PPARGC1A: variants seen among roughly 807,000 people sequenced by gnomAD.
PPARGC1A encodes peroxisome proliferator-activated receptor gamma coactivator 1-alpha.
In PPARGC1A, 25 loss-of-function variants were observed where a neutral mutation model predicts 88.7. That is an observed-to-expected ratio of 0.28 (90% CI 0.21 to 0.39). The LOEUF is 0.39. PPARGC1A is among the 10% of genes least tolerant of loss of function. PPARGC1A has a pLI of 1.00. For missense variants in PPARGC1A, 880 were observed against 968.7 expected, an observed-to-expected ratio of 0.91 and a Z score of 1.22; for synonymous variants, 363 against 355.6, an observed-to-expected ratio of 1.02 and a Z score of -0.24.
At chr4:24,102,107 A>G in the PPARGC1A span, among the ~76,000 whole-genome samples, 440 of 152,280 alleles carry the variant, frequency 2.9e-3, 5 homozygotes, top group East Asian at 0.017. Context: ...AGCTCCAATA[A>G]TCACCATTCT....
At chr4:23,988,920 T>TATATACTATATTATATATAATATATAAA in the PPARGC1A span, among the ~76,000 whole-genome samples, 1 of 147,498 alleles carries the variant, frequency 6.8e-6, no homozygotes, top group Non-Finnish European at 1.5e-5. Flanking sequence ...TATTATATAA[T>TATATACTATATTATATATAATATATAAA]ATATACTATA....
chr4:24,127,861 G>A, the PPARGC1A span, among the ~76,000 whole-genome samples: 15 of 152,098 alleles, frequency 9.9e-5, no homozygotes, highest in African/African-American at 3.4e-4. Context: ...TAAGGAAAAT[G>A]CATCAAAATC....
At chr4:24,230,950 T>TAAA in the PPARGC1A span, among the ~76,000 whole-genome samples, 61,963 of 137,398 alleles carry the variant, frequency 0.45, 15,180 homozygotes, top group Non-Finnish European at 0.54. Flanking sequence ...CAGAATTTAT[T>TAAA]AAAAAAAATA....
chr4:23,801,289 T>G (rs1486973693), intron 12 of PPARGC1A, among the ~76,000 whole-genome samples: 1 of 151,690 alleles, frequency 6.6e-6, no homozygotes, highest in Non-Finnish European at 1.5e-5. Flanking sequence ...GCCACACACA[T>G]CTGCATAACA....
chr4:24,454,563 T>A, the PPARGC1A span, among the ~76,000 whole-genome samples: 3 of 124,708 alleles, frequency 2.4e-5, no homozygotes, highest in Non-Finnish European at 5.1e-5. Context: ...TGACAAGACC[T>A]TGTTTCTACA....
chr4:24,059,777 A>C, the PPARGC1A span, among the ~76,000 whole-genome samples: 1 of 152,160 alleles, frequency 6.6e-6, no homozygotes, highest in Non-Finnish European at 1.5e-5. Flanking sequence ...TCCCCTATGG[A>C]GTCCCAGCTT....
At chr4:23,805,029 C>T (rs144396190) in intron 10 of PPARGC1A, among the ~76,000 whole-genome samples, 3 of 152,302 alleles carry the variant, frequency 2.0e-5, no homozygotes, top group African/African-American at 7.2e-5. Context: ...CTATTCACTA[C>T]TGTATTTTAA....
At chr4:24,016,656 T>C in the PPARGC1A span, among the ~76,000 whole-genome samples, 11 of 152,308 alleles carry the variant, frequency 7.2e-5, no homozygotes, top group Middle Eastern at 3.4e-3. Context: ...TACTGTATCA[T>C]TGGAAACTAG....
At chr4:24,459,741 A>C in the PPARGC1A span, among the ~76,000 whole-genome samples, 1 of 152,248 alleles carries the variant, frequency 6.6e-6, no homozygotes, top group Non-Finnish European at 1.5e-5. Context: ...CAGTTAGCCA[A>C]GATTGCGCCG....
At chr4:23,811,213 G>A (rs1720828163) in intron 10 of PPARGC1A, among the ~76,000 whole-genome samples, 2 of 152,190 alleles carry the variant, frequency 1.3e-5, no homozygotes, top group South Asian at 4.1e-4. Context: ...GCTGGTAACT[G>A]TTGGCCAATG....
At chr4:24,206,840 TAAAAAAAAAAAAAAAAAAA>T in the PPARGC1A span, among the ~76,000 whole-genome samples, 58 of 43,650 alleles carry the variant, frequency 1.3e-3, no homozygotes, top group Non-Finnish European at 2.0e-3. Flanking sequence ...GACTTCACCT[TAAAAAAAAAAAAAAAAAAA>T]AAAAAAAAAA....
the PPARGC1A span, among the ~76,000 whole-genome samples, chr4:24,277,643 C>A: frequency 6.6e-6 from 1 of 152,186 alleles, no homozygotes; most frequent in South Asian, 2.1e-4. Flanking sequence ...ATAAATCTCT[C>A]TAGGCGAGAT....
At chr4:24,387,926 G>GAA in the PPARGC1A span, among the ~76,000 whole-genome samples, 1,432 of 15,970 alleles carry the variant, frequency 0.09, 100 homozygotes, top group Middle Eastern at 0.25. Context: ...AAGAAAGAAA[G>GAA]AAAGAAAGAG....
the PPARGC1A span, among the ~76,000 whole-genome samples, chr4:23,976,447 A>T: frequency 2.6e-5 from 4 of 152,322 alleles, no homozygotes; most frequent in South Asian, 2.1e-4. Flanking sequence ...TTTCCAAAAA[A>T]GTTTGATGAT....
intron 2 of PPARGC1A, among the ~76,000 whole-genome samples, chr4:23,872,629 T>A (rs1560486521): frequency 6.6e-6 from 1 of 152,194 alleles, no homozygotes; most frequent in East Asian, 1.9e-4. Context: ...CTCTACTTCC[T>A]CAAACAGACA....
At chr4:24,027,237 CTG>C in the PPARGC1A span, among the ~76,000 whole-genome samples, 1 of 90,276 alleles carries the variant, frequency 1.1e-5, no homozygotes, top group Non-Finnish European at 2.6e-5. Flanking sequence ...CTGTGTGTGT[CTG>C]TGTGTGTGCG....
the PPARGC1A span, among the ~76,000 whole-genome samples, chr4:24,286,353 T>C: frequency 6.6e-6 from 1 of 152,160 alleles, no homozygotes; most frequent in African/African-American, 2.4e-5. Context: ...CTTCCCATGA[T>C]AGGGACTGAA....
chr4:23,820,106 G>A (rs928322547), intron 7 of PPARGC1A, among the ~76,000 whole-genome samples: 1 of 152,130 alleles, frequency 6.6e-6, no homozygotes, highest in African/African-American at 2.4e-5. Context: ...ATTGGTTAAT[G>A]AGTATTTTGT....
At chr4:24,098,318 A>G in the PPARGC1A span, among the ~76,000 whole-genome samples, 15 of 152,366 alleles carry the variant, frequency 9.8e-5, no homozygotes, top group African/African-American at 3.6e-4. Context: ...TTGGCTCCAC[A>G]GCAAAATAGT....
Sources: gnomAD v4.1 joint callset for allele counts (sites outside exome capture counted in the v4.1 genomes callset) on GRCh38, gnomAD v4.1.1 for gene constraint, MANE v1.5 for transcripts, NCBI Gene and HGNC (gene_info 2026-07-23, HGNC 2026-07-21) for gene names.